The following UTRN variants were observed in gnomAD, a reference collection of about 807,000 sequenced individuals.
The protein encoded by UTRN is utrophin.
A neutral mutation model predicts 463.9 loss-of-function variants in UTRN; 283 were observed. That is an observed-to-expected ratio of 0.61 (90% CI 0.55 to 0.67). The LOEUF is 0.67. Among genes scored for constraint, UTRN ranks in the 30% least tolerant of loss-of-function variants. The pLI is 0.00. For synonymous variants in UTRN, 1,442 were observed against 1,431.5 expected, an observed-to-expected ratio of 1.01 and a Z score of -0.17; for missense variants, 3,922 against 4,084.3, an observed-to-expected ratio of 0.96 and a Z score of 1.08.
chr6:144,643,956 T>G (rs977496460), intron 51 of UTRN, among the ~76,000 whole-genome samples: 1 of 152,176 alleles, frequency 6.6e-6, no homozygotes, highest in African/African-American at 2.4e-5. Flanking sequence ...TGTAATGTAG[T>G]TAATTATTTT....
At chr6:144,326,986 G>C (rs1287360619) in intron 2 of UTRN, among the ~76,000 whole-genome samples, 1 of 152,160 alleles carries the variant, frequency 6.6e-6, no homozygotes, top group East Asian at 1.9e-4. Flanking sequence ...CAAATCTCAT[G>C]CCGTTGTTGA....
chr6:144,592,740 C>G (rs1414429551), intron 51 of UTRN, among the ~76,000 whole-genome samples: 1 of 152,164 alleles, frequency 6.6e-6, no homozygotes, highest in Non-Finnish European at 1.5e-5. Context: ...TAACCACTAC[C>G]AGCTTGAATG....
At chr6:144,473,683 C>A in intron 23 of UTRN, 37 bp from the exon 24 acceptor site, 1 of 1,569,832 alleles carries the variant, frequency 6.4e-7, no homozygotes, top group Non-Finnish European at 8.8e-7. Context: ...CTGAACGTCA[C>A]GAAGTAATAT....
intron 55 of UTRN, among the ~76,000 whole-genome samples, chr6:144,748,810 T>A (rs1791047584): frequency 6.6e-6 from 1 of 152,214 alleles, no homozygotes; most frequent in Non-Finnish European, 1.5e-5. Context: ...TACCTATTTT[T>A]AAAAAATATT....
intron 2 of UTRN, among the ~76,000 whole-genome samples, chr6:144,345,373 C>G (rs982753376): frequency 2.0e-5 from 3 of 152,114 alleles, no homozygotes; most frequent in Admixed American, 6.5e-5. Context: ...TCTCAGGGAC[C>G]TGAATTAAAA....
chr6:144,425,880 C>T (rs1292551659), intron 6 of UTRN, among the ~76,000 whole-genome samples: 1 of 152,166 alleles, frequency 6.6e-6, no homozygotes, highest in Non-Finnish European at 1.5e-5. Context: ...AGGAAAGATA[C>T]TTTATTTTGT....
intron 25 of UTRN, among the ~76,000 whole-genome samples, chr6:144,478,823 G>A (rs1257702928): frequency 1.3e-5 from 2 of 152,190 alleles, no homozygotes; most frequent in Admixed American, 6.5e-5. Context: ...TCTCACAGTA[G>A]AAGTCAGTTT....
intron 44 of UTRN, among the ~76,000 whole-genome samples, chr6:144,538,781 T>C (rs187459819): frequency 4.6e-5 from 7 of 152,346 alleles, no homozygotes; most frequent in Admixed American, 3.3e-4. Flanking sequence ...AGGAGTATGA[T>C]TGAAGCATTT....
intron 66 of UTRN, among the ~76,000 whole-genome samples, chr6:144,821,768 A>T (rs546154703): frequency 6.6e-6 from 1 of 152,244 alleles, no homozygotes; most frequent in East Asian, 1.9e-4. Context: ...ATGTGTTAAG[A>T]TCCAAATAGA....
intron 54 of UTRN, among the ~76,000 whole-genome samples, chr6:144,747,168 T>C (rs759238820): frequency 5.9e-5 from 9 of 152,188 alleles, no homozygotes; most frequent in Non-Finnish European, 1.2e-4. Context: ...GAAGTGGAAA[T>C]TGCTAATGTG....
chr6:144,677,291 G>A (rs1011022216), intron 51 of UTRN, among the ~76,000 whole-genome samples: 15 of 151,972 alleles, frequency 9.9e-5, no homozygotes, highest in South Asian at 2.1e-4. Flanking sequence ...GACATCCCCC[G>A]GTGTGTGATG....
intron 18 of UTRN, among the ~76,000 whole-genome samples, chr6:144,451,813 A>T (rs1241075099): frequency 6.6e-6 from 1 of 152,128 alleles, no homozygotes; most frequent in Non-Finnish European, 1.5e-5. Flanking sequence ...CTAATAATTT[A>T]TGACTCTATA....
At chr6:144,583,736 G>A (rs1802200977) in intron 51 of UTRN, 2 of 443,158 alleles carry the variant, frequency 4.5e-6, no homozygotes, top group South Asian at 7.4e-5. Flanking sequence ...AGCTGTTAAA[G>A]TGAATTGCAT....
At chr6:144,703,810 A>G (rs1784822095) in intron 53 of UTRN, among the ~76,000 whole-genome samples, 1 of 152,184 alleles carries the variant, frequency 6.6e-6, no homozygotes, top group South Asian at 2.1e-4. Flanking sequence ...AGTACAGAAA[A>G]CCATTTTAAG....
At chr6:144,449,111 C>T (rs1026585941) in intron 17 of UTRN, among the ~76,000 whole-genome samples, 3 of 152,122 alleles carry the variant, frequency 2.0e-5, no homozygotes, top group East Asian at 3.9e-4. Flanking sequence ...TGTCACAACT[C>T]GACAGTGACC....
intron 2 of UTRN, among the ~76,000 whole-genome samples, chr6:144,327,219 A>G (rs1441603561): frequency 6.6e-6 from 1 of 152,118 alleles, no homozygotes; most frequent in African/African-American, 2.4e-5. Flanking sequence ...GAGGAGAAGG[A>G]GGAGGGGTGC....
chr6:144,706,578 C>T (rs1785123240), intron 53 of UTRN, among the ~76,000 whole-genome samples: 1 of 152,054 alleles, frequency 6.6e-6, no homozygotes, highest in Non-Finnish European at 1.5e-5. Flanking sequence ...TTCATTTAGT[C>T]CTAAACTTGA....
chr6:144,385,845 A>C (rs980706443), intron 2 of UTRN, among the ~76,000 whole-genome samples: 4 of 151,924 alleles, frequency 2.6e-5, no homozygotes, highest in African/African-American at 9.7e-5. Context: ...AGTAGCTGGG[A>C]TTACAAGCGC....
rs1355993772 is a variant in UTRN at position 144,852,473 on chromosome 6, T to C, written c.*1476T>C. 1 of 152,550 alleles carries C rather than the reference T, an allele frequency of 6.6e-6. No individual in the cohort carries two copies. Among genetic ancestry groups the C allele is most frequent in the Non-Finnish European group, 1.5e-5 (1 of 68,014 alleles). The allele number at this position is 152,550 out of a possible 1,614,324, so 9.4% of individuals were successfully genotyped here. On this transcript the variant is annotated 3_prime_UTR_variant, in exon 75 of 75. Transcript: ENST00000367545. ...ATCTGGCCAGAAGGAGGCTTAAAGTTAGAAATTGCTATTATTTTAGAATAG... is the reference window on the plus strand; with the variant it reads ...ATCTGGCCAGAAGGAGGCTTAAAGTCAGAAATTGCTATTATTTTAGAATAG...
Sources: allele counts gnomAD v4.1 joint callset (sites outside exome capture counted in the v4.1 genomes callset), GRCh38; gene constraint gnomAD v4.1.1; transcripts MANE v1.5; gene names NCBI Gene and HGNC (gene_info 2026-07-23, HGNC 2026-07-21).